The following ST8SIA4 variants were observed in gnomAD, a reference collection of about 807,000 sequenced individuals.
ST8SIA4 encodes ST8 alpha-N-acetyl-neuraminide alpha-2,8-sialyltransferase 4.
In ST8SIA4, 15 loss-of-function variants were observed where a neutral mutation model predicts 33.9. That is an observed-to-expected ratio of 0.44 (90% CI 0.30 to 0.68). ST8SIA4 has a LOEUF of 0.68. ST8SIA4 is among the 30% of genes least tolerant of loss of function. ST8SIA4 has a pLI of 0.10. For synonymous variants in ST8SIA4, 171 were observed against 151.2 expected (o/e 1.13, Z -0.96); for missense variants, 321 against 428.0 (o/e 0.75, Z 2.21).
chr5:100,886,206 G>A lies in ST8SIA4; in HGVS notation c.503+137C>T, dbSNP rs1752532954. 4 of 1,441,666 alleles carry A rather than the reference G, an allele frequency of 2.8e-6. No homozygotes were observed. The East Asian group carries it at 7.4e-5, about 27-fold the overall frequency. The allele number at this position is 1,441,666 out of a possible 1,614,324, so 89.3% of individuals were successfully genotyped here. A position where few individuals can be genotyped will look rare whatever the true frequency, so the allele number is the denominator to read the frequency against. The stretch of plus-strand genomic sequence containing the variant: ...ATTCCAGGGTAAATGTAATTTAAAT[G>A]TTGCACAGAAAAGGATATCATAGAC... On this transcript the variant is annotated intron_variant, in intron 3 of 4. Transcript: ENST00000231461.
intron 3 of ST8SIA4, 54 bp from the exon 4 acceptor site, chr5:100,856,450 TAAA>T: frequency 6.7e-7 from 1 of 1,486,994 alleles, no homozygotes; most frequent in South Asian, 1.3e-5. Flanking sequence ...TATTCACTGG[TAAA>T]ATGGTGTTCA....
chr5:100,884,643 T>A (rs188369210), intron 3 of ST8SIA4, among the ~76,000 whole-genome samples: 108 of 152,224 alleles, frequency 7.1e-4, no homozygotes, highest in African/African-American at 2.6e-3. Context: ...GGAACCTACT[T>A]ATTGGACACA....
At chr5:100,894,093 C>T (rs1406448039) in intron 2 of ST8SIA4, among the ~76,000 whole-genome samples, 10 of 152,146 alleles carry the variant, frequency 6.6e-5, no homozygotes, top group East Asian at 5.8e-4. Flanking sequence ...TGGGGATATG[C>T]GACAGAGAAG....
At chr5:100,850,954 C>CTTT (rs70987828) in intron 4 of ST8SIA4, among the ~76,000 whole-genome samples, 17 of 75,108 alleles carry the variant, frequency 2.3e-4, no homozygotes, top group African/African-American at 4.5e-4. Flanking sequence ...TGTAACCATA[C>CTTT]TTTTTTTTTT....
chr5:100,849,807 C>CA (rs1020579612), intron 4 of ST8SIA4, among the ~76,000 whole-genome samples: 12 of 151,630 alleles, frequency 7.9e-5, no homozygotes, highest in Non-Finnish European at 1.5e-4. Flanking sequence ...AAAAGAAACC[C>CA]AAAAAACAAA....
intron 3 of ST8SIA4, among the ~76,000 whole-genome samples, chr5:100,857,174 C>T (rs1751832606): frequency 6.6e-6 from 1 of 151,930 alleles, no homozygotes; most frequent in East Asian, 1.9e-4. Flanking sequence ...GTACTGTTTT[C>T]TCCACTAGAG....
At chr5:100,875,124 T>C (rs1271677628) in intron 3 of ST8SIA4, among the ~76,000 whole-genome samples, 1 of 152,194 alleles carries the variant, frequency 6.6e-6, no homozygotes. Context: ...CTGAACTGTA[T>C]GTAAAGTCTA....
chr5:100,893,986 A>G (rs1462347462), intron 2 of ST8SIA4, among the ~76,000 whole-genome samples: 3 of 152,164 alleles, frequency 2.0e-5, no homozygotes, highest in African/African-American at 4.8e-5. Flanking sequence ...AAACCAAAGT[A>G]TATCTGTGTT....
At chr5:100,822,398 C>T (rs529856373) in intron 4 of ST8SIA4, among the ~76,000 whole-genome samples, 3 of 152,236 alleles carry the variant, frequency 2.0e-5, no homozygotes, top group Admixed American at 2.0e-4. Flanking sequence ...TGAACAACTT[C>T]GGTACAGTGA....
intron 4 of ST8SIA4, among the ~76,000 whole-genome samples, chr5:100,822,269 G>A (rs1468081838): frequency 6.6e-6 from 1 of 152,182 alleles, no homozygotes; most frequent in Non-Finnish European, 1.5e-5. Context: ...AATCAACGGT[G>A]ATACCTTCAA....
At position 100,807,456 on chromosome 5, in the gene ST8SIA4, C is replaced by T. The variant is rs1282523710; in HGVS notation, c.*4391G>A. 6.6e-6 allele frequency: 1 copy of T among 152,400 alleles called. No individual in the cohort carries two copies. The highest frequency in any genetic ancestry group is 1.5e-5 in the Non-Finnish European group (1 of 67,920). 9.4% of individuals were successfully genotyped at this position (152,400 alleles called of 1,614,324 possible). A position where few individuals can be genotyped will look rare whatever the true frequency, so the allele number is the denominator to read the frequency against. On this transcript the variant is annotated 3_prime_UTR_variant, in exon 5 of 5. Coordinates refer to ENST00000231461, the MANE Select transcript of ST8SIA4 (RefSeq NM_005668.6). ...TGAAACACTTGTGCTTTTGCCTACA[C>T]AAAGAAACGGTTTTTATTAAAAGGT...
At chr5:100,882,835 C>A (rs1471969537) in intron 3 of ST8SIA4, among the ~76,000 whole-genome samples, 1 of 152,226 alleles carries the variant, frequency 6.6e-6, no homozygotes, top group African/African-American at 2.4e-5. Context: ...GTGCACAGAA[C>A]TCAAGAAATG....
At chr5:100,829,871 G>A (rs1751216331) in intron 4 of ST8SIA4, among the ~76,000 whole-genome samples, 1 of 147,332 alleles carries the variant, frequency 6.8e-6, no homozygotes, top group Non-Finnish European at 1.5e-5. Flanking sequence ...TCGCGCCACT[G>A]CACTCCAACC....
chr5:100,813,130 C>T (rs1750847839), intron 4 of ST8SIA4, among the ~76,000 whole-genome samples: 1 of 151,944 alleles, frequency 6.6e-6, no homozygotes, highest in Admixed American at 6.6e-5. Flanking sequence ...AATAAGCTTG[C>T]TTTAGATTTC....
intron 2 of ST8SIA4, among the ~76,000 whole-genome samples, chr5:100,886,865 A>G (rs536089748): frequency 2.1e-4 from 32 of 152,258 alleles, no homozygotes; most frequent in African/African-American, 7.2e-4. Context: ...TTGTGGAGTT[A>G]TAAAAAGCAC....
chr5:100,895,734 G>T lies in ST8SIA4; in HGVS notation c.165C>A (p.Ile55=). The change falls in exon 2 of 5, where the codon ATC becomes ATA. Residue 55 remains isoleucine, a synonymous_variant. Coordinates refer to ENST00000231461, the MANE Select transcript of ST8SIA4 (RefSeq NM_005668.6). ...SRSLVNSSDK[I]IRKAGSSIFQ... is the part of the protein sequence containing the mutation. ...AGATTGAAGAGCCAGCCTTTCGAAT[G>T]ATTTTATCAGAGCTATTGACAAGTG... The T allele has an allele frequency of 6.2e-7, 1 of 1,612,792 alleles. No individual in the cohort carries two copies. Among genetic ancestry groups the T allele is most frequent in the Non-Finnish European group, 8.5e-7 (1 of 1,179,126 alleles).
At chr5:100,821,683 A>C (rs763681274) in intron 4 of ST8SIA4, among the ~76,000 whole-genome samples, 5 of 152,228 alleles carry the variant, frequency 3.3e-5, no homozygotes, top group Admixed American at 6.5e-5. Flanking sequence ...TACACTAACT[A>C]AACATCAGTC....
chr5:100,868,324 G>A (rs1752121843), intron 3 of ST8SIA4, among the ~76,000 whole-genome samples: 1 of 151,998 alleles, frequency 6.6e-6, no homozygotes, highest in African/African-American at 2.4e-5. Context: ...AAGAAAATTT[G>A]TTGAAGACTT....
At chr5:100,823,944 A>C (rs572057567) in intron 4 of ST8SIA4, among the ~76,000 whole-genome samples, 11 of 152,370 alleles carry the variant, frequency 7.2e-5, no homozygotes, top group Admixed American at 6.5e-4. Context: ...TGATAGAGAT[A>C]ATTAACTCAG....
Sources: allele counts gnomAD v4.1 joint callset (sites outside exome capture counted in the v4.1 genomes callset), GRCh38; gene constraint gnomAD v4.1.1; transcripts MANE v1.5; gene names NCBI Gene and HGNC (gene_info 2026-07-23, HGNC 2026-07-21).